MYO1E: variants seen among roughly 807,000 people sequenced by gnomAD.
MYO1E encodes the protein unconventional myosin-Ie.
Under a neutral mutation model 151.1 loss-of-function variants are expected in MYO1E, and 68 were observed. The ratio of observed to expected loss-of-function variants is 0.45; its 90% CI spans 0.37 to 0.55. The LOEUF (loss-of-function observed/expected upper bound fraction) is 0.55, where lower values mean the gene tolerates loss of function less well. MYO1E is among the 20% of genes least tolerant of loss of function. MYO1E has a pLI of 0.00. For missense variants in MYO1E, 1,363 were observed against 1,389.3 expected (o/e 0.98, Z 0.30); for synonymous variants, 601 against 501.7 (o/e 1.20, Z -2.64).
intron 1 of MYO1E, among the ~76,000 whole-genome samples, chr15:59,279,944 AAAT>A (rs1348000090): frequency 2.0e-5 from 3 of 152,214 alleles, no homozygotes; most frequent in Non-Finnish European, 4.4e-5. Flanking sequence ...TGTATATATA[AAAT>A]ATACACACAC....
At chr15:59,151,155 G>A (rs140165812) in intron 26 of MYO1E, among the ~76,000 whole-genome samples, 13 of 152,106 alleles carry the variant, frequency 8.5e-5, no homozygotes, top group African/African-American at 1.2e-4. Context: ...AGCTGGGCGC[G>A]GTGGCTCACG....
chr15:59,252,319 G>A (rs1007570558), intron 4 of MYO1E, among the ~76,000 whole-genome samples: 7 of 152,082 alleles, frequency 4.6e-5, no homozygotes, highest in African/African-American at 1.7e-4. Flanking sequence ...GCGGTGCCTC[G>A]TGCCTGTAAT....
At chr15:59,312,327 G>A (rs901063404) in intron 1 of MYO1E, among the ~76,000 whole-genome samples, 16 of 152,266 alleles carry the variant, frequency 1.1e-4, no homozygotes, top group Admixed American at 6.5e-4. Flanking sequence ...AGAAAAGATC[G>A]TGTGCACTAA....
At position 59,177,088 on chromosome 15, in the gene MYO1E, C is replaced by A. The variant is rs75272901; in HGVS notation, c.2049+1305G>T. ...AACAGCGGGTATGAAACAAGGAGTT[C>A]TGCATTGTACCGATAAATCACTCCA... On this transcript the variant is annotated intron_variant, in intron 19 of 27. Coordinates refer to ENST00000288235, the MANE Select transcript of MYO1E (RefSeq NM_004998.4). Among the ~76,000 whole-genome samples, 557 of 152,278 alleles carry A rather than the reference C, an allele frequency of 3.7e-3. 23 individuals carry two copies. In the East Asian group the frequency reaches 0.082, roughly 22 times the overall value.
intron 3 of MYO1E, among the ~76,000 whole-genome samples, chr15:59,258,897 T>G (rs1451635906): frequency 6.6e-6 from 1 of 151,432 alleles, no homozygotes; most frequent in Non-Finnish European, 1.5e-5. Flanking sequence ...AGATCCAACT[T>G]AAAATATGTA....
intron 18 of MYO1E, among the ~76,000 whole-genome samples, chr15:59,179,390 A>G (rs1351665897): frequency 1.3e-5 from 2 of 152,212 alleles, no homozygotes; most frequent in African/African-American, 4.8e-5. Context: ...GATGAAGGTG[A>G]GAGCTCCAGG....
chr15:59,157,250 A>G (rs972479687), intron 25 of MYO1E, among the ~76,000 whole-genome samples: 1 of 152,176 alleles, frequency 6.6e-6, no homozygotes, highest in Non-Finnish European at 1.5e-5. Context: ...ATGAAATATG[A>G]GCATAAATTT....
At chr15:59,172,615 T>C (rs1338182818) in intron 21 of MYO1E, among the ~76,000 whole-genome samples, 2 of 152,146 alleles carry the variant, frequency 1.3e-5, no homozygotes, top group African/African-American at 4.8e-5. Context: ...ACTTCACATA[T>C]CAGGACAGCA....
chr15:59,206,591 A>G (rs1252275635), intron 14 of MYO1E: 1 of 252,856 alleles, frequency 4.0e-6, no homozygotes, highest in Non-Finnish European at 7.5e-6. Context: ...ATCTGTAGTT[A>G]ACAGAAGCAT....
intron 1 of MYO1E, among the ~76,000 whole-genome samples, chr15:59,322,237 T>C (rs1415048804): frequency 6.6e-6 from 1 of 151,576 alleles, no homozygotes; most frequent in African/African-American, 2.4e-5. Flanking sequence ...TTATGCTCAG[T>C]ACCTGGATGA....
At position 59,308,940 on chromosome 15, in the gene MYO1E, C is replaced by G. The variant is rs146668592; in HGVS notation, c.4-36491G>C. On this transcript the variant is annotated intron_variant, in intron 1 of 27. Transcript: ENST00000288235. ...GAATTGCAGAAAGAGCTCTGGGCCT[C>G]AGAGAGTCAGAAAACCTGTTCGATT... Among the ~76,000 whole-genome samples, 292 of 151,912 alleles carry G rather than the reference C, an allele frequency of 1.9e-3. 3 individuals are homozygous for G. In the Middle Eastern group the frequency reaches 0.02, roughly 11 times the overall value.
At chr15:59,144,070 T>C (rs1336628900) in intron 26 of MYO1E, among the ~76,000 whole-genome samples, 1 of 152,170 alleles carries the variant, frequency 6.6e-6, no homozygotes, top group African/African-American at 2.4e-5. Context: ...CTTGAGTCTG[T>C]GTGCTGGGTT....
rs182093889 is a variant in MYO1E, at chr15:59,212,150, T to C, written c.1276-1550A>G. Among the ~76,000 whole-genome samples the C allele has an allele frequency of 4.0e-3, 606 of 152,166 alleles. 4 individuals carry two copies. Among genetic ancestry groups the C allele is most frequent in the Non-Finnish European group, 6.7e-3 (458 of 67,972 alleles). On this transcript the variant is annotated intron_variant, in intron 12 of 27. Coordinates refer to ENST00000288235, the MANE Select transcript of MYO1E (RefSeq NM_004998.4). ...CTATTGCACTCTTACTTGGTTGTTT[T>C]GCTCTGGCTACTCTAAGGGTTGGGG... is the stretch of plus-strand genomic sequence containing the variant.
At chr15:59,222,078 C>T (rs2079959609) in intron 9 of MYO1E, among the ~76,000 whole-genome samples, 1 of 152,134 alleles carries the variant, frequency 6.6e-6, no homozygotes, top group Non-Finnish European at 1.5e-5. Flanking sequence ...TACTCCCTTC[C>T]CTGGTAAACA....
intron 1 of MYO1E, among the ~76,000 whole-genome samples, chr15:59,277,560 A>ACAAC (rs1365243339): frequency 1.1e-4 from 14 of 126,790 alleles, no homozygotes; most frequent in African/African-American, 4.1e-4. Context: ...AAAAAAAAAA[A>ACAAC]AAAAAAAAAA....
At chr15:59,182,929 T>C (rs2079672704) in intron 18 of MYO1E, among the ~76,000 whole-genome samples, 1 of 152,216 alleles carries the variant, frequency 6.6e-6, no homozygotes, top group South Asian at 2.1e-4. Flanking sequence ...CCTCAGGTCA[T>C]CAGGCATTAG....
Position 59,209,818 on chromosome 15 carries a change from T to C in MYO1E, c.1362+696A>G, listed in dbSNP as rs1248412920. Among the ~76,000 whole-genome samples the C allele has an allele frequency of 4.0e-4, 18 of 44,812 alleles. 1 individual carries two copies. The highest frequency in any genetic ancestry group is 3.1e-3 in the East Asian group (3 of 976). 29.4% of individuals were successfully genotyped at this position (44,812 alleles called of 152,430 possible). On this transcript the variant is annotated intron_variant, in intron 13 of 27. Transcript: ENST00000288235. ...TATCACTTTTATTTTGAATCACCTT[T>C]TTTTTTTTTTTTTTTTTTTTTTTTT...
intron 9 of MYO1E, 67 bp downstream of exon 9, chr15:59,222,992 G>T: frequency 1.2e-6 from 2 of 1,601,878 alleles, no homozygotes; most frequent in East Asian, 2.2e-5. Context: ...GCAAAGGAAA[G>T]TGCTAGGTTA....
At chr15:59,138,410 G>C (rs559760588) in intron 26 of MYO1E, 43 bp from the exon 27 acceptor site, 2 of 1,608,504 alleles carry the variant, frequency 1.2e-6, no homozygotes, top group South Asian at 2.2e-5. Context: ...CCCAACAGGG[G>C]GCAGCAGCAC....
Sources: gnomAD v4.1 joint callset for allele counts (sites outside exome capture counted in the v4.1 genomes callset) on GRCh38, gnomAD v4.1.1 for gene constraint, MANE v1.5 for transcripts, NCBI Gene and HGNC (gene_info 2026-07-23, HGNC 2026-07-21) for gene names.